The following HSPA8 variants were observed in gnomAD, a reference collection of about 807,000 sequenced individuals.
The protein encoded by HSPA8 is heat shock protein family A (Hsp70) member 8.
HSPA8 carries 2 observed loss-of-function variants against 52.8 expected under a neutral mutation model. That is an observed-to-expected ratio of 0.04 (90% CI 0.02 to 0.12). HSPA8 has a LOEUF of 0.12. HSPA8 is among the 10% of genes least tolerant of loss of function. The probability of loss-of-function intolerance (pLI) is 1.00; values close to 1 mark genes in which losing one functional copy is unlikely to be tolerated. For synonymous variants in HSPA8, 436 were observed against 274.0 expected (o/e 1.59, Z -5.84); for missense variants, 349 against 800.5 (o/e 0.44, Z 6.81).
At chr11:123,058,117 A>G (rs1591435232) in intron 8 of HSPA8, 135 bp downstream of exon 8, 2 of 730,374 alleles carry the variant, frequency 2.7e-6, no homozygotes, top group African/African-American at 1.8e-5. Flanking sequence ...AACACCTTGA[A>G]TTCTGGTGGA....
rs1865431991 is a variant in HSPA8, at chr11:123,059,564, G to T, written c.1029C>A (p.Ile343=). 6.2e-7 allele frequency: 1 copy of T among 1,614,048 alleles called. No homozygotes were observed. The highest frequency in any genetic ancestry group is 8.5e-7 in the Non-Finnish European group (1 of 1,179,970). ...CTTGGAGAAGCTTCTGAATCTTGGGGATACGAGTAGAACCACCAACCAGGA... is the reference window on the plus strand; with the variant it reads ...CTTGGAGAAGCTTCTGAATCTTGGGTATACGAGTAGAACCACCAACCAGGA... The part of the protein sequence containing the change: ...DIVLVGGSTR[I]PKIQKLLQDF... Residue 343 remains isoleucine (I), a synonymous_variant, in exon 5 of 9, where the codon ATC becomes ATA. Transcript: ENST00000534624.
chr11:123,060,687 T>A lies in HSPA8; in HGVS notation c.317A>T (p.Glu106Val). Residue 106 changes from glutamate (E) to valine (V), a missense_variant, in exon 3 of 9, where the codon GAA (glutamate) becomes GTA (valine). Transcript: ENST00000534624. ...NDAGRPKVQV[E>V]YKGETKSFYP... ...GAAGCTTTTGGTCTCTCCCTTGTAT[T>A]CTACTTGGACCTTGGGCCTGCCAGC... The A allele has an allele frequency of 6.2e-7, 1 of 1,613,666 alleles. No homozygotes were observed. The highest frequency in any genetic ancestry group is 8.5e-7 in the Non-Finnish European group (1 of 1,179,684).
At chr11:123,059,342 G>A in intron 5 of HSPA8, 81 bp from the exon 6 acceptor site, 7 of 1,389,322 alleles carry the variant, frequency 5.0e-6, no homozygotes, top group South Asian at 4.9e-5. Flanking sequence ...CACTCGCTCA[G>A]ACATCCAAGG....
At position 123,057,501 on chromosome 11, in the gene HSPA8, A is replaced by G. The variant is rs1865339013; in HGVS notation, c.*233T>C. 1 of 415,576 alleles carries G rather than the reference A, an allele frequency of 2.4e-6. No individual in the cohort carries two copies. The highest frequency in any genetic ancestry group is 2.1e-5 in the African/African-American group (1 of 48,292). The allele number at this position is 415,576 out of a possible 1,614,324, so 25.7% of individuals were successfully genotyped here. On this transcript the variant is annotated 3_prime_UTR_variant, in exon 9 of 9. Transcript: ENST00000534624. ...AGACTCAAAGCAATTGTATGGTGCC[A>G]ATTTTAAATAGTTTTATTTAAGACA...
intron 2 of HSPA8, 97 bp from the exon 3 acceptor site, chr11:123,060,895 G>C: frequency 8.8e-7 from 1 of 1,138,296 alleles, no homozygotes; most frequent in East Asian, 2.4e-5. Context: ...TTCATAGGTA[G>C]GTGAATTCAA....
chr11:123,060,755 G>A lies in HSPA8; in HGVS notation c.249C>T (p.Val83=), dbSNP rs1220626149. 6.2e-7 allele frequency: 1 copy of A among 1,613,832 alleles called. No individual in the cohort carries two copies. The highest frequency in any genetic ancestry group is 8.5e-7 in the Non-Finnish European group (1 of 1,180,002). Residue 83 remains valine (V), a synonymous_variant, in exon 3 of 9, where the codon GTC becomes GTT. Coordinates refer to ENST00000534624, the MANE Select transcript of HSPA8 (RefSeq NM_006597.6). ...LIGRRFDDAV[V]QSDMKHWPFM... ...AGGGCCAATGTTTCATATCAGACTGGACAACAGCATCATCAAATCTGCGTC... is the reference window on the plus strand; with the variant it reads ...AGGGCCAATGTTTCATATCAGACTGAACAACAGCATCATCAAATCTGCGTC...
At chr11:123,061,591 G>A in intron 1 of HSPA8, 2 of 517,080 alleles carry the variant, frequency 3.9e-6, no homozygotes, top group Non-Finnish European at 3.5e-6. Flanking sequence ...GTCTTACCCC[G>A]AACTGAGCAC....
At position 123,060,107 on chromosome 11, in the gene HSPA8, G is replaced by C; in HGVS notation, c.564+9C>G. The C allele has an allele frequency of 6.2e-7, 1 of 1,614,004 alleles. No homozygotes were observed. Among genetic ancestry groups the C allele is most frequent in the South Asian group, 1.1e-5 (1 of 91,062 alleles). On this transcript the variant is annotated intron_variant, in intron 4 of 8. Coordinates refer to ENST00000534624, the MANE Select transcript of HSPA8 (RefSeq NM_006597.6). The stretch of plus-strand genomic sequence containing the variant: ...AATAATCCGAACTTGCATCACAAAT[G>C]GTACATACCTTTTTGTCTAAGCCGT...
Position 123,058,747 on chromosome 11 carries a change from T to A in HSPA8, c.1407A>T (p.Arg469=). 1 of 1,614,056 alleles carries A rather than the reference T, an allele frequency of 6.2e-7. No individual in the cohort carries two copies. Among genetic ancestry groups the A allele is most frequent in the Non-Finnish European group, 8.5e-7 (1 of 1,179,958 alleles). The change falls in exon 7 of 9, where the codon CGA becomes CGT. Residue 469 remains arginine (R), a synonymous_variant. Coordinates refer to ENST00000534624, the MANE Select transcript of HSPA8 (RefSeq NM_006597.6). ...AAGTGACTTCAATCTGAGGAACACC[T>A]CGGGGTGCAGGAGGTATGCCTGTGA... The part of the protein sequence containing the change: ...FELTGIPPAP[R]GVPQIEVTFD...
In HSPA8 at chr11:123,058,237, A is replaced by G; in HGVS notation, c.1755+15T>C. 1 of 1,503,150 alleles carries G rather than the reference A, an allele frequency of 6.7e-7. No homozygotes were observed. 93.1% of individuals were successfully genotyped at this position (1,503,150 alleles called of 1,614,324 possible). On this transcript the variant is annotated intron_variant, in intron 8 of 8. Coordinates refer to ENST00000534624, the MANE Select transcript of HSPA8 (RefSeq NM_006597.6). Reference sequence around the variant, plus strand: ...ATTGAGTGGGGGAGGAAAAAAAAAAAAAAAAAACACAAACCTGATTCTTAT... The same window carrying G: ...ATTGAGTGGGGGAGGAAAAAAAAAAGAAAAAAACACAAACCTGATTCTTAT...
rs111774985 is a variant in HSPA8, at chr11:123,058,648, A to C, written c.1506T>G (p.Thr502=). The change falls in exon 7 of 9, where the codon ACT becomes ACG. Residue 502 remains threonine, a synonymous_variant. Transcript: ENST00000534624. ...DKSTGKENKI[T]ITNDKGRLSK... Reference sequence around the variant, plus strand: ...CCTCCTTACCCTTGTCATTAGTGATAGTAATCTTGTTCTCTTTTCCCGTAC... The same window carrying C: ...CCTCCTTACCCTTGTCATTAGTGATCGTAATCTTGTTCTCTTTTCCCGTAC... 79 of 1,612,804 alleles carry C rather than the reference A, an allele frequency of 4.9e-5. No homozygotes were observed. The highest frequency in any genetic ancestry group is 1.6e-4 in the Middle Eastern group (1 of 6,080).
intron 6 of HSPA8, 58 bp from the exon 7 acceptor site, chr11:123,058,888 G>A: frequency 6.5e-7 from 1 of 1,528,972 alleles, no homozygotes; most frequent in Non-Finnish European, 9.0e-7. Flanking sequence ...ACAGTGCTAG[G>A]GTCCTGCTAA....
rs1302623127 is a variant in HSPA8, at chr11:123,059,599, G to C, written c.994C>G (p.His332Asp). ...GAACCACCAACCAGGACAATATCAT[G>C]AATCTGTGACTTGTCTAGTTTGGCA... ...RDAKLDKSQI[H>D]DIVLVGGSTR... The change falls in exon 5 of 9, where the codon CAT becomes GAT. Residue 332 changes from histidine to aspartate, a missense_variant. By Grantham distance (81) the His-to-Asp change is moderately conservative (BLOSUM62 -1). Transcript: ENST00000534624. The C allele has an allele frequency of 3.1e-6, 5 of 1,614,150 alleles. No individual in the cohort carries two copies. Among genetic ancestry groups the C allele is most frequent in the East Asian group, 2.2e-5 (1 of 44,890 alleles).
chr11:123,058,869 A>G (rs763006619), intron 6 of HSPA8, 39 bp from the exon 7 acceptor site: 1 of 1,586,070 alleles, frequency 6.3e-7, no homozygotes, highest in African/African-American at 1.3e-5. Context: ...AATGGACTCC[A>G]GGTCTGTGAC....
rs1460617102 is a variant in HSPA8 at position 123,062,070 on chromosome 11, T to TAG, written c.-13_-12insCT. 6.6e-6 allele frequency: 1 copy of TAG among 152,444 alleles called. No homozygotes were observed. The highest frequency in any genetic ancestry group is 1.5e-5 in the Non-Finnish European group (1 of 68,322). 9.4% of individuals were successfully genotyped at this position (152,444 alleles called of 1,614,324 possible). A position where few individuals can be genotyped will look rare whatever the true frequency, so the allele number is the denominator to read the frequency against. ...TCTTGAGCAGAGGTTTTACCTGGGG[T>TAG]GTAGGCCTGGCTCCAATAACGAAGG... On this transcript the variant is annotated 5_prime_UTR_variant, in exon 1 of 9. Transcript: ENST00000534624.
rs78639914 is a variant in HSPA8 at position 123,060,970 on chromosome 11, G to A, written c.205+150C>T. 944 of 898,710 alleles carry A rather than the reference G, an allele frequency of 1.1e-3. 4 individuals are homozygous for A. The highest frequency in any genetic ancestry group is 2.0e-3 in the Admixed American group (82 of 40,558). The allele number at this position is 898,710 out of a possible 1,614,324, so 55.7% of individuals were successfully genotyped here. On this transcript the variant is annotated intron_variant, in intron 2 of 8. Coordinates refer to ENST00000534624, the MANE Select transcript of HSPA8 (RefSeq NM_006597.6). ...ACGTTATCCAGATTTCAGCCTGAAA[G>A]GTTTCTACAACCTGTTTTATAACAG...
rs772986398 is a variant in HSPA8, at chr11:123,059,294, T to TA, written c.1121-34dup. 25 of 1,582,152 alleles carry TA rather than the reference T, an allele frequency of 1.6e-5. No individual in the cohort carries two copies. The Admixed American group carries it at 3.3e-4, about 21-fold the overall frequency. ...ACAAAAAGTTAACGTTAAAAGAAGT[T>TA]AAAAGAAAACCCAGTACATAGCTCC... On this transcript the variant is annotated intron_variant, in intron 5 of 8. Coordinates refer to ENST00000534624, the MANE Select transcript of HSPA8 (RefSeq NM_006597.6).
chr11:123,058,576 T>G, intron 7 of HSPA8, 56 bp downstream of exon 7: 2 of 1,573,814 alleles, frequency 1.3e-6, no homozygotes, highest in Non-Finnish European at 1.7e-6. Flanking sequence ...TAGGCACCAG[T>G]AACTCAATTG....
At chr11:123,058,023 A>G in intron 8 of HSPA8, 104 bp from the exon 9 acceptor site, 1 of 902,570 alleles carries the variant, frequency 1.1e-6, no homozygotes, top group Non-Finnish European at 1.7e-6. Flanking sequence ...AACTCTTACA[A>G]GAGGGCCACT....
Sources: allele counts gnomAD v4.1 joint callset, GRCh38; gene constraint gnomAD v4.1.1; transcripts MANE v1.5; gene names NCBI Gene and HGNC (gene_info 2026-07-23, HGNC 2026-07-21).